The following DNAJC3 variants were observed in gnomAD, a reference collection of about 807,000 sequenced individuals.
DNAJC3 encodes dnaJ homolog subfamily C member 3.
DNAJC3 carries 38 observed loss-of-function variants against 68.6 expected under a neutral mutation model. The ratio of observed to expected loss-of-function variants is 0.55; its 90% CI spans 0.43 to 0.73. The LOEUF is 0.73. Ranked by LOEUF, DNAJC3 falls within the 30% of genes least tolerant of loss-of-function variation. The pLI, the probability that DNAJC3 is intolerant of heterozygous loss-of-function variation, is 0.00. For synonymous variants in DNAJC3, 203 were observed against 204.0 expected (o/e 1.00, Z 0.04); for missense variants, 526 against 591.9 (o/e 0.89, Z 1.16).
chr13:95,726,904 A>G (rs192317724), intron 4 of DNAJC3, among the ~76,000 whole-genome samples: 34 of 152,368 alleles, frequency 2.2e-4, no homozygotes, highest in Admixed American at 5.2e-4. Context: ...TCATCTGTGG[A>G]TAAATCCAAA....
intron 1 of DNAJC3, among the ~76,000 whole-genome samples, chr13:95,688,488 G>T (rs1316758011): frequency 6.6e-6 from 1 of 151,278 alleles, no homozygotes; most frequent in Non-Finnish European, 1.5e-5. Flanking sequence ...TCATACAGGG[G>T]TGTTGGATTT....
intron 4 of DNAJC3, chr13:95,744,698 T>G (rs1379645823): frequency 1.3e-5 from 2 of 152,214 alleles, no homozygotes; most frequent in East Asian, 3.8e-4. Context: ...AAAATTTATT[T>G]AACATATTAA....
chr13:95,772,573 G>A (rs1461566378), intron 9 of DNAJC3, among the ~76,000 whole-genome samples: 1 of 152,128 alleles, frequency 6.6e-6, no homozygotes, highest in Non-Finnish European at 1.5e-5. Context: ...TTTGGTGTGT[G>A]TTAGTATCTA....
chr13:95,711,600 AC>A (rs1171913119), intron 2 of DNAJC3, among the ~76,000 whole-genome samples: 4 of 152,166 alleles, frequency 2.6e-5, no homozygotes, highest in Non-Finnish European at 5.9e-5. Flanking sequence ...AAAAAAAGAT[AC>A]CTTTGTGAGT....
intron 4 of DNAJC3, among the ~76,000 whole-genome samples, chr13:95,752,368 G>C (rs1192653612): frequency 4.2e-4 from 64 of 152,062 alleles, no homozygotes; most frequent in Admixed American, 4.1e-3. Flanking sequence ...TTATTATTAA[G>C]AGTAGTATTT....
chr13:95,711,868 A>G (rs1880979248), intron 2 of DNAJC3, among the ~76,000 whole-genome samples: 1 of 152,246 alleles, frequency 6.6e-6, no homozygotes. Flanking sequence ...GGACACAGCT[A>G]CAGAATACAC....
At chr13:95,735,735 G>A (rs1293438386) in intron 4 of DNAJC3, among the ~76,000 whole-genome samples, 1 of 151,606 alleles carries the variant, frequency 6.6e-6, no homozygotes. Context: ...TTTGTCAGAT[G>A]AGTAGGTTGC....
At chr13:95,786,571 C>T (rs1170926988) in intron 10 of DNAJC3, among the ~76,000 whole-genome samples, 3 of 152,128 alleles carry the variant, frequency 2.0e-5, no homozygotes, top group Non-Finnish European at 4.4e-5. Flanking sequence ...CCCAGTGGTT[C>T]GCTGAGTAAA....
At chr13:95,784,392 GA>G (rs919884771) in intron 9 of DNAJC3, among the ~76,000 whole-genome samples, 1 of 152,118 alleles carries the variant, frequency 6.6e-6, no homozygotes, top group Non-Finnish European at 1.5e-5. Context: ...AAATCTGGAG[GA>G]AACCAGGCAG....
chr13:95,785,958 T>C lies in DNAJC3; in HGVS notation c.1095T>C (p.Thr365=), dbSNP rs759499484. The change falls in exon 10 of 12, where the codon ACT becomes ACC. Residue 365 remains threonine (T), a synonymous_variant. Coordinates refer to ENST00000602402, the MANE Select transcript of DNAJC3 (RefSeq NM_006260.5). Reference sequence around the variant, plus strand: ...TGACAGCTATTCAGGATTATGAAACTGCTCAGGAACACAATGAAAATGATC... The same window carrying C: ...TGACAGCTATTCAGGATTATGAAACCGCTCAGGAACACAATGAAAATGATC... ...MYDEAIQDYE[T]AQEHNENDQQ... is the part of the protein sequence containing the mutation. 1.9e-6 allele frequency: 3 copies of C among 1,598,038 alleles called. No homozygotes were observed. In the East Asian group the frequency reaches 6.8e-5, roughly 36 times the overall value.
At chr13:95,757,826 G>T (rs756347224) in intron 5 of DNAJC3, 30 bp downstream of exon 5, 4 of 1,497,558 alleles carry the variant, frequency 2.7e-6, no homozygotes, top group Non-Finnish European at 3.6e-6. Context: ...CAGTTGACCA[G>T]CCTGACACTT....
chr13:95,689,317 T>C (rs780376209), intron 1 of DNAJC3, among the ~76,000 whole-genome samples: 17 of 152,064 alleles, frequency 1.1e-4, no homozygotes, highest in Non-Finnish European at 1.5e-5. Flanking sequence ...TTCTTCTTGG[T>C]TAAATCTTGG....
chr13:95,745,015 C>T (rs1028867033), intron 4 of DNAJC3: 4 of 152,068 alleles, frequency 2.6e-5, no homozygotes, highest in South Asian at 2.1e-4. Context: ...TTAAGTATTA[C>T]GAGAGAAAAA....
chr13:95,735,791 A>G (rs1030133722), intron 4 of DNAJC3, among the ~76,000 whole-genome samples: 2 of 152,086 alleles, frequency 1.3e-5, no homozygotes, highest in African/African-American at 4.8e-5. Flanking sequence ...CTCTGATGAT[A>G]GTTTCTTTTG....
At chr13:95,790,849 C>A in intron 11 of DNAJC3, 24 bp from the exon 12 acceptor site, 1 of 1,554,078 alleles carries the variant, frequency 6.4e-7, no homozygotes, top group East Asian at 2.5e-5. Context: ...TTATCTGGTT[C>A]TTAATTTTCT....
At chr13:95,764,303 A>G (rs903006428) in intron 9 of DNAJC3, among the ~76,000 whole-genome samples, 1 of 151,034 alleles carries the variant, frequency 6.6e-6, no homozygotes, top group African/African-American at 2.4e-5. Context: ...TCCAGCTTTT[A>G]TCTATGCACA....
At chr13:95,723,487 T>A in intron 3 of DNAJC3, 121 bp downstream of exon 3, 2 of 1,070,754 alleles carry the variant, frequency 1.9e-6, no homozygotes, top group Non-Finnish European at 2.6e-6. Flanking sequence ...GCTACAGTGA[T>A]GTTGTGGACT....
chr13:95,764,683 T>TATAC (rs36030034), intron 9 of DNAJC3, among the ~76,000 whole-genome samples: 1,387 of 87,768 alleles, frequency 0.016, 10 homozygotes, highest in East Asian at 0.025. Flanking sequence ...TATATATATA[T>TATAC]ACACACACAC....
intron 2 of DNAJC3, among the ~76,000 whole-genome samples, chr13:95,721,959 C>G (rs1881336201): frequency 6.6e-6 from 1 of 152,080 alleles, no homozygotes; most frequent in African/African-American, 2.4e-5. Flanking sequence ...AGGAGTAGAA[C>G]TTTTAGGGAG....
Sources: allele counts gnomAD v4.1 joint callset (sites outside exome capture counted in the v4.1 genomes callset), GRCh38; gene constraint gnomAD v4.1.1; transcripts MANE v1.5; gene names NCBI Gene and HGNC (gene_info 2026-07-23, HGNC 2026-07-21).